The following RIF1 variants were observed in gnomAD, a reference collection of about 807,000 sequenced individuals.
RIF1 encodes replication timing regulatory factor 1, also known as telomere-associated protein RIF1.
Under a neutral mutation model 247.1 loss-of-function variants are expected in RIF1, and 45 were observed. The observed-to-expected ratio is 0.18, with a 90% CI of 0.14 to 0.23. The LOEUF (loss-of-function observed/expected upper bound fraction) is 0.23, where lower values mean the gene tolerates loss of function less well. Among genes scored for constraint, RIF1 ranks in the 10% least tolerant of loss-of-function variants. The probability of loss-of-function intolerance (pLI) is 1.00; values close to 1 mark genes in which losing one functional copy is unlikely to be tolerated. For missense variants in RIF1, 2,967 were observed against 2,862.5 expected, an observed-to-expected ratio of 1.04 and a Z score of -0.83; for synonymous variants, 1,087 against 978.8, an observed-to-expected ratio of 1.11 and a Z score of -2.06.
intron 16 of RIF1, among the ~76,000 whole-genome samples, chr2:151,442,694 T>G (rs1429266843): frequency 1.3e-5 from 2 of 151,954 alleles, no homozygotes; most frequent in Non-Finnish European, 2.9e-5. Flanking sequence ...ATGTTCTTTT[T>G]ATATCTGGAA....
chr2:151,415,536 A>G (rs1038362257), intron 4 of RIF1, among the ~76,000 whole-genome samples: 3 of 123,880 alleles, frequency 2.4e-5, no homozygotes, highest in Non-Finnish European at 4.8e-5. Flanking sequence ...AGAGCTTGCC[A>G]CTGCACTCCA....
chr2:151,514,449 A>G, the RIF1 span: 12,019 of 1,534,584 alleles, frequency 7.8e-3, 72 homozygotes, highest in Non-Finnish European at 8.7e-3. Context: ...AAAGAAAAGC[A>G]ACAACATTGA....
downstream of RIF1, among the ~76,000 whole-genome samples, chr2:151,487,046 TGTG>T (rs142325512): frequency 0.032 from 4,804 of 151,358 alleles, 127 homozygotes; most frequent in East Asian, 0.14. Context: ...TGCATGAAAT[TGTG>T]TGTGTGTGCG....
chr2:151,429,459 C>T (rs570970293), intron 9 of RIF1, among the ~76,000 whole-genome samples: 30 of 152,318 alleles, frequency 2.0e-4, no homozygotes, highest in Admixed American at 5.9e-4. Context: ...GGATTACAGG[C>T]GTGAGCCACT....
At chr2:151,529,779 C>T in the RIF1 span, among the ~76,000 whole-genome samples, 1 of 152,288 alleles carries the variant, frequency 6.6e-6, no homozygotes, top group South Asian at 2.1e-4. Context: ...TCCCGCCCAC[C>T]TCAGCCTTTC....
chr2:151,415,239 C>G (rs970519054), intron 4 of RIF1, among the ~76,000 whole-genome samples: 1 of 150,624 alleles, frequency 6.6e-6, no homozygotes, highest in Non-Finnish European at 1.5e-5. Flanking sequence ...TCCAGCTACT[C>G]GGGAGGCTGA....
chr2:151,521,062 C>CA, the RIF1 span, among the ~76,000 whole-genome samples: 10 of 152,192 alleles, frequency 6.6e-5, no homozygotes, highest in Middle Eastern at 3.4e-3. Context: ...ACCAAAAGGG[C>CA]AATATTTAAC....
rs577168374 is a variant in RIF1 at position 151,503,643 on chromosome 2, G to A, written c.*861+458G>A. On this transcript the variant is annotated intron_variant and NMD_transcript_variant, in intron 12 of 13. Transcript: ENST00000454583. The stretch of plus-strand genomic sequence containing the variant: ...AAAAATTTTTACTACTTTGAAAACT[G>A]GGCACTAAATTATGCATTTTCTGTA... Among the ~76,000 whole-genome samples the A allele has an allele frequency of 1.4e-4, 22 of 152,160 alleles. No homozygotes were observed. In the South Asian group the frequency reaches 4.4e-3, roughly 30 times the overall value.
intron 11 of RIF1, among the ~76,000 whole-genome samples, chr2:151,436,297 T>C (rs556349594): frequency 6.6e-6 from 1 of 152,008 alleles, no homozygotes; most frequent in Non-Finnish European, 1.5e-5. Context: ...TCTCAGCATT[T>C]AGGGGGCTGA....
intron 10 of RIF1, chr2:151,497,631 T>C: frequency 1.3e-6 from 2 of 1,573,472 alleles, no homozygotes; most frequent in Non-Finnish European, 1.7e-6. Flanking sequence ...AGTACCGAGC[T>C]AATATTTTCT....
At chr2:151,440,853 C>T (rs138952366) in intron 15 of RIF1, among the ~76,000 whole-genome samples, 1 of 152,260 alleles carries the variant, frequency 6.6e-6, no homozygotes, top group East Asian at 1.9e-4. Flanking sequence ...TGAATTGATA[C>T]ATGGAAAGTA....
At chr2:151,524,463 A>G in the RIF1 span, 1 of 1,609,968 alleles carries the variant, frequency 6.2e-7, no homozygotes, top group Admixed American at 1.7e-5. Flanking sequence ...GTTGCCTGGC[A>G]TGCCTTGGCA....
chr2:151,416,110 T>C (rs1687183524), intron 4 of RIF1, among the ~76,000 whole-genome samples: 1 of 152,238 alleles, frequency 6.6e-6, no homozygotes, highest in African/African-American at 2.4e-5. Flanking sequence ...AGGAAACCCT[T>C]ATCTTTAGAG....
intron 14 of RIF1, among the ~76,000 whole-genome samples, chr2:151,439,519 C>G (rs1691855547): frequency 6.6e-6 from 1 of 151,652 alleles, no homozygotes; most frequent in South Asian, 2.1e-4. Flanking sequence ...ACGAAATTAG[C>G]CAGACATGGT....
At chr2:151,420,451 T>G in intron 7 of RIF1, 72 bp downstream of exon 7, 1 of 1,456,414 alleles carries the variant, frequency 6.9e-7, no homozygotes, top group South Asian at 1.2e-5. Flanking sequence ...TAAAATTCAG[T>G]CTGGTGGCCA....
chr2:151,507,962 C>T, exon 14 of RIF1: 1 of 1,425,650 alleles, frequency 7.0e-7, no homozygotes, highest in Non-Finnish European at 9.7e-7. Context: ...CTCAGCACCC[C>T]TAGGTGCCTG....
At chr2:151,472,766 G>A (rs1028748627) in intron 34 of RIF1, among the ~76,000 whole-genome samples, 6 of 152,054 alleles carry the variant, frequency 3.9e-5, no homozygotes, top group Admixed American at 2.0e-4. Context: ...TGCTGGATTC[G>A]TTTTGCCAGT....
intron 10 of RIF1, among the ~76,000 whole-genome samples, chr2:151,495,656 T>C (rs1004158283): frequency 6.6e-6 from 1 of 151,738 alleles, no homozygotes; most frequent in South Asian, 2.1e-4. Flanking sequence ...AAGACTACAG[T>C]AAAACTAAAG....
chr2:151,454,539 T>G (rs1276422402), intron 21 of RIF1, among the ~76,000 whole-genome samples: 1 of 152,188 alleles, frequency 6.6e-6, no homozygotes, highest in Non-Finnish European at 1.5e-5. Context: ...GGAACCTATC[T>G]TATGTAATTT....
Sources: gnomAD v4.1 joint callset for allele counts (sites outside exome capture counted in the v4.1 genomes callset) on GRCh38, gnomAD v4.1.1 for gene constraint, MANE v1.5 for transcripts, NCBI Gene and HGNC (gene_info 2026-07-23, HGNC 2026-07-21) for gene names.